Variants in RBFOX3 observed in about 807,000 individuals in gnomAD.
RBFOX3 encodes the protein RNA binding fox-1 homolog 3.
In RBFOX3, 17 loss-of-function variants were observed where a neutral mutation model predicts 48.7. The observed-to-expected ratio is 0.35, with a 90% CI of 0.24 to 0.52. The LOEUF is 0.52. Among genes scored for constraint, RBFOX3 ranks in the 20% least tolerant of loss-of-function variants. RBFOX3 has a pLI of 0.94. For missense variants in RBFOX3, 382 were observed against 497.5 expected, an observed-to-expected ratio of 0.77 and a Z score of 2.21; for synonymous variants, 212 against 209.5, an observed-to-expected ratio of 1.01 and a Z score of -0.10.
rs1440976828 is a variant in RBFOX3 at position 79,471,898 on chromosome 17, C to T, written c.-175+10556G>A. On this transcript the variant is annotated intron_variant, in intron 2 of 14. Coordinates refer to ENST00000693108, the MANE Select transcript of RBFOX3 (RefSeq NM_001350451.2). This position sits in a 1 kb window ranked among gnomAD's most constrained non-coding sequence, Gnocchi z 4.0. ...GAGGCGACTAAATCTCCACCAAGCA[C>T]ATTATATCAAATACGCCTCAGGAAA... is the stretch of plus-strand genomic sequence containing the variant. 6.6e-6 allele frequency among the ~76,000 whole-genome samples: 1 copy of T among 152,206 alleles called. No individual in the cohort carries two copies. Among genetic ancestry groups the T allele is most frequent in the African/African-American group, 2.4e-5 (1 of 41,450 alleles).
intron 2 of RBFOX3, among the ~76,000 whole-genome samples, chr17:79,463,627 CGCCACT>C (rs2075857706): frequency 1.4e-5 from 2 of 147,078 alleles, no homozygotes; most frequent in Non-Finnish European, 3.0e-5. Context: ...CCATCGCCAC[CGCCACT>C]GCCACCGCCA....
intron 2 of RBFOX3, among the ~76,000 whole-genome samples, chr17:79,328,768 T>C (rs914355672): frequency 2.0e-5 from 3 of 152,184 alleles, no homozygotes; most frequent in Admixed American, 6.5e-5. Flanking sequence ...GAAAACAGCA[T>C]CCACTTGATG....
intron 4 of RBFOX3, among the ~76,000 whole-genome samples, chr17:79,184,876 T>A (rs2053077059): frequency 6.6e-6 from 1 of 152,108 alleles, no homozygotes; most frequent in Non-Finnish European, 1.5e-5. Flanking sequence ...GATTGTCCCC[T>A]TGGGGCCTTG....
chr17:79,473,376 C>T lies in RBFOX3; in HGVS notation c.-175+9078G>A, dbSNP rs2077285355. Among the ~76,000 whole-genome samples the T allele has an allele frequency of 1.3e-5, 2 of 152,288 alleles. No homozygotes were observed. Among genetic ancestry groups the T allele is most frequent in the Non-Finnish European group, 2.9e-5 (2 of 68,030 alleles). ...TGCAGCTCAGCTTCCTCACAGAGCC[C>T]GAGTTGGAACTGTTGTGAGGATTCA... On this transcript the variant is annotated intron_variant, in intron 2 of 14. Coordinates refer to ENST00000693108, the MANE Select transcript of RBFOX3 (RefSeq NM_001350451.2). The surrounding 1 kb of genome is among the most constrained non-coding windows in gnomAD (Gnocchi z 4.2).
rs147864477 is a variant in RBFOX3, at chr17:79,437,055, G to T, written c.-175+45399C>A. ...AATAATTTCAATCAGCCTACAGGCC[G>T]CCCCGATTCCCTTCTCCAACAGGGA... On this transcript the variant is annotated intron_variant, in intron 2 of 14. Transcript: ENST00000693108. Among the ~76,000 whole-genome samples, 59 of 152,236 alleles carry T rather than the reference G, an allele frequency of 3.9e-4. 1 individual carries two copies. In the East Asian group the frequency reaches 0.011, roughly 29 times the overall value.
rs1335268857 is a variant in RBFOX3, at chr17:79,111,929, T to A, written c.222+3565A>T. Among the ~76,000 whole-genome samples, 1 of 152,196 alleles carries A rather than the reference T, an allele frequency of 6.6e-6. No homozygotes were observed. Among genetic ancestry groups the A allele is most frequent in the African/African-American group, 2.4e-5 (1 of 41,462 alleles). On this transcript the variant is annotated intron_variant, in intron 5 of 14. Transcript: ENST00000693108. The surrounding 1 kb of genome is among the most constrained non-coding windows in gnomAD (Gnocchi z 4.2). The stretch of plus-strand genomic sequence containing the variant: ...AGCCCCTCATCGCACTCTGTACCCT[T>A]TGCTGCTTTTGTCCAGAGAAGGCAG...
chr17:79,450,725 C>T (rs538366110), intron 2 of RBFOX3, among the ~76,000 whole-genome samples: 1 of 152,222 alleles, frequency 6.6e-6, no homozygotes, highest in East Asian at 1.9e-4. Flanking sequence ...ATCCAAAGTG[C>T]TACACTACTG....
chr17:79,576,810 A>T (rs1225177301), intron 1 of RBFOX3, among the ~76,000 whole-genome samples: 2 of 152,146 alleles, frequency 1.3e-5, no homozygotes, highest in Non-Finnish European at 1.5e-5. Flanking sequence ...CATGGAGAAG[A>T]TGGAGATGGA....
At chr17:79,447,614 C>T (rs1455371244) in intron 2 of RBFOX3, among the ~76,000 whole-genome samples, 1 of 152,236 alleles carries the variant, frequency 6.6e-6, no homozygotes, top group Non-Finnish European at 1.5e-5. Context: ...GAAGACTGTG[C>T]CCAAGCCTGG....
At chr17:79,295,301 C>T (rs780834432) in intron 3 of RBFOX3, among the ~76,000 whole-genome samples, 8 of 152,188 alleles carry the variant, frequency 5.3e-5, no homozygotes, top group Non-Finnish European at 7.3e-5. Flanking sequence ...CATACCCTGG[C>T]AATTGGAGCA....
At chr17:79,558,813 G>C (rs2091969124) in intron 1 of RBFOX3, among the ~76,000 whole-genome samples, 2 of 152,222 alleles carry the variant, frequency 1.3e-5, no homozygotes, top group Non-Finnish European at 2.9e-5. Flanking sequence ...GCACAAGAAG[G>C]ACATTGACAA....
At chr17:79,190,975 A>G (rs2054404549) in intron 4 of RBFOX3, among the ~76,000 whole-genome samples, 1 of 152,144 alleles carries the variant, frequency 6.6e-6, no homozygotes, top group African/African-American at 2.4e-5. Context: ...GCCGGCATGA[A>G]TTTGCACCAT....
chr17:79,175,822 C>G (rs561904952), intron 4 of RBFOX3, among the ~76,000 whole-genome samples: 1 of 152,348 alleles, frequency 6.6e-6, no homozygotes, highest in South Asian at 2.1e-4. Context: ...CCTCTGCAGC[C>G]CCAAAAGCTC....
Position 79,390,747 on chromosome 17 carries a change from CCATT to C in RBFOX3, c.-174-82927_-174-82924del, listed in dbSNP as rs1469747946. Reference sequence around the variant, plus strand: ...CCGTCTCGGCCTCCCAACGCATGGCCCATTCAAAGTTTGCCAGAGGCGAGTTCAG... The same window carrying C: ...CCGTCTCGGCCTCCCAACGCATGGCCCAAAGTTTGCCAGAGGCGAGTTCAG... On this transcript the variant is annotated intron_variant, in intron 2 of 14. Transcript: ENST00000693108. This position sits in a 1 kb window ranked among gnomAD's most constrained non-coding sequence, Gnocchi z 4.2. 1.3e-5 allele frequency among the ~76,000 whole-genome samples: 2 copies of C among 152,168 alleles called. No homozygotes were observed. Among genetic ancestry groups the C allele is most frequent in the South Asian group, 2.1e-4 (1 of 4,830 alleles).
At chr17:79,597,425 A>G (rs1470291600) in intron 1 of RBFOX3, among the ~76,000 whole-genome samples, 1 of 152,162 alleles carries the variant, frequency 6.6e-6, no homozygotes, top group Non-Finnish European at 1.5e-5. Flanking sequence ...GAGGAGGCAC[A>G]GGGGAAAACA....
chr17:79,127,719 G>C (rs2037684510), intron 4 of RBFOX3, among the ~76,000 whole-genome samples: 1 of 152,274 alleles, frequency 6.6e-6, no homozygotes, highest in African/African-American at 2.4e-5. Context: ...AAGATGTCCT[G>C]CCATGATTAA....
intron 3 of RBFOX3, among the ~76,000 whole-genome samples, chr17:79,274,495 G>A (rs968193824): frequency 6.6e-6 from 1 of 152,136 alleles, no homozygotes; most frequent in Non-Finnish European, 1.5e-5. Context: ...CTGTGAGGCC[G>A]AGGAGTTGAA....
chr17:79,154,380 G>T (rs4622540), intron 4 of RBFOX3, among the ~76,000 whole-genome samples: 69,502 of 152,120 alleles, frequency 0.46, 16,080 homozygotes, highest in Middle Eastern at 0.53. Flanking sequence ...CAGACTGTGA[G>T]CCTGTGAGGA....
chr17:79,352,690 C>A (rs967191627), intron 2 of RBFOX3, among the ~76,000 whole-genome samples: 1 of 152,204 alleles, frequency 6.6e-6, no homozygotes, highest in African/African-American at 2.4e-5. Flanking sequence ...GGTTCCCTTA[C>A]ATCCACAGTG....
Sources: gnomAD v4.1 joint callset for allele counts (sites outside exome capture counted in the v4.1 genomes callset) on GRCh38, gnomAD v4.1.1 for gene constraint, Gnocchi (gnomAD v3.1) non-coding constraint, MANE v1.5 for transcripts, NCBI Gene and HGNC (gene_info 2026-07-23, HGNC 2026-07-21) for gene names.